SORL1: variants seen among roughly 807,000 people sequenced by gnomAD.
The protein encoded by SORL1 is sortilin-related receptor.
SORL1 carries 127 observed loss-of-function variants against 273.7 expected under a neutral mutation model. The observed-to-expected ratio is 0.46, with a 90% CI of 0.40 to 0.54. The LOEUF is 0.54. Ranked by LOEUF, SORL1 falls within the 20% of genes least tolerant of loss-of-function variation. The pLI, the probability that SORL1 is intolerant of heterozygous loss-of-function variation, is 0.00. For synonymous variants in SORL1, 1,031 were observed against 1,067.4 expected, an observed-to-expected ratio of 0.97 and a Z score of 0.66; for missense variants, 2,494 against 2,846.1, an observed-to-expected ratio of 0.88 and a Z score of 2.81.
chr11:121,494,549 G>A (rs2134819962), intron 5 of SORL1, among the ~76,000 whole-genome samples: 1 of 152,342 alleles, frequency 6.6e-6, no homozygotes, highest in East Asian at 1.9e-4. Context: ...ACTGCTCAGA[G>A]ATAGAGCAAG....
chr11:121,553,698 A>G (rs2134901674), intron 16 of SORL1, among the ~76,000 whole-genome samples: 1 of 152,332 alleles, frequency 6.6e-6, no homozygotes, highest in East Asian at 1.9e-4. Context: ...GAAAAACATA[A>G]CAAGTAAAAC....
rs1269687295 is a variant in SORL1, at chr11:121,514,329, G to C, written c.1211+8G>C. ...CAGTGACACCTTGGTGAGGTAAGGAGACTGTGAGTCCTTCTCCTGCCTTCT... is the reference window on the plus strand; with the variant it reads ...CAGTGACACCTTGGTGAGGTAAGGACACTGTGAGTCCTTCTCCTGCCTTCT... On this transcript the variant is annotated splice_region_variant and intron_variant, in intron 8 of 47. Transcript: ENST00000260197. 1 of 1,609,810 alleles carries C rather than the reference G, an allele frequency of 6.2e-7. No homozygotes were observed. The highest frequency in any genetic ancestry group is 1.3e-5 in the African/African-American group (1 of 74,784).
chr11:121,520,886 A>G (rs747589388), intron 9 of SORL1, 37 bp downstream of exon 9: 53 of 1,463,902 alleles, frequency 3.6e-5, no homozygotes, highest in Non-Finnish European at 4.8e-5. Flanking sequence ...TTTTTAATAT[A>G]AAGGAAAGAG....
chr11:121,525,951 C>G (rs1483411110), intron 11 of SORL1, among the ~76,000 whole-genome samples: 1 of 152,104 alleles, frequency 6.6e-6, no homozygotes, highest in Non-Finnish European at 1.5e-5. Context: ...TCACATGAGC[C>G]CTGGTGGTTG....
Position 121,570,269 on chromosome 11 carries a change from C to T in SORL1, c.3336C>T (p.Cys1112=). 5 of 1,606,486 alleles carry T rather than the reference C, an allele frequency of 3.1e-6. No individual in the cohort carries two copies. Among genetic ancestry groups the T allele is most frequent in the East Asian group, 2.2e-5 (1 of 44,842 alleles). Residue 1112 remains cysteine, a splice_region_variant and synonymous_variant, in exon 23 of 48, where the codon TGC becomes TGT. Coordinates refer to ENST00000260197, the MANE Select transcript of SORL1 (RefSeq NM_003105.6). ...DCGDMSDERN[C]PTTICDLDTQ... is the part of the protein sequence containing the mutation. ...GAGACATGAGCGATGAGAGAAACTGCCGTGAGTCTTCTGGATTGGACGTTA... is the reference window on the plus strand; with the variant it reads ...GAGACATGAGCGATGAGAGAAACTGTCGTGAGTCTTCTGGATTGGACGTTA...
chr11:121,561,750 A>G (rs1189408430), intron 21 of SORL1, among the ~76,000 whole-genome samples: 1 of 149,296 alleles, frequency 6.7e-6, no homozygotes, highest in Non-Finnish European at 1.5e-5. Flanking sequence ...ACAGACCTGG[A>G]CCTGTGCATG....
chr11:121,601,451 A>G (rs1433151298), intron 32 of SORL1, among the ~76,000 whole-genome samples: 3 of 151,358 alleles, frequency 2.0e-5, no homozygotes, highest in Admixed American at 2.0e-4. Flanking sequence ...TTCCAGTTCC[A>G]GATCCCTGAG....
chr11:121,470,196 A>G (rs1258678451), intron 2 of SORL1, 73 bp downstream of exon 2: 4 of 950,074 alleles, frequency 4.2e-6, no homozygotes, highest in Admixed American at 3.4e-5. Context: ...TGGGATTATC[A>G]TACTGGAAAA....
At position 121,512,804 on chromosome 11, in the gene SORL1, C is replaced by T. The variant is rs11218315; in HGVS notation, c.940-199C>T. Among the ~76,000 whole-genome samples, 789 of 152,262 alleles carry T rather than the reference C, an allele frequency of 5.2e-3. 11 individuals carry two copies. The highest frequency in any genetic ancestry group is 0.017 in the African/African-American group (700 of 41,530). ...GGAGTGTCTAGTGTCTGTTGCAAACCGGGTATCTAAGATGAAGCAGTACAA... is the reference window on the plus strand; with the variant it reads ...GGAGTGTCTAGTGTCTGTTGCAAACTGGGTATCTAAGATGAAGCAGTACAA... On this transcript the variant is annotated intron_variant, in intron 6 of 47. Coordinates refer to ENST00000260197, the MANE Select transcript of SORL1 (RefSeq NM_003105.6).
chr11:121,557,876 G>A (rs1353121040), intron 19 of SORL1, among the ~76,000 whole-genome samples: 1 of 152,122 alleles, frequency 6.6e-6, no homozygotes, highest in East Asian at 1.9e-4. Context: ...TAATTAAGAG[G>A]GAAATTCTGG....
chr11:121,617,244 TAG>T (rs1437346774), intron 41 of SORL1, among the ~76,000 whole-genome samples: 1 of 152,214 alleles, frequency 6.6e-6, no homozygotes, highest in African/African-American at 2.4e-5. Flanking sequence ...GCTATGTTAA[TAG>T]AGATTCTTTA....
intron 26 of SORL1, among the ~76,000 whole-genome samples, chr11:121,585,100 T>G (rs1352761453): frequency 6.6e-6 from 1 of 152,166 alleles, no homozygotes; most frequent in African/African-American, 2.4e-5. Context: ...AGGTGGTGAG[T>G]GATTTAAATA....
chr11:121,467,114 C>A (rs562304668), intron 1 of SORL1, among the ~76,000 whole-genome samples: 155 of 148,912 alleles, frequency 1.0e-3, no homozygotes, highest in Non-Finnish European at 2.1e-3. Context: ...ACTGCAAGCT[C>A]CGCCTCCCGG....
intron 45 of SORL1, among the ~76,000 whole-genome samples, chr11:121,623,458 G>T (rs1413648108): frequency 6.6e-6 from 1 of 152,236 alleles, no homozygotes; most frequent in East Asian, 1.9e-4. Flanking sequence ...AAGAATTTGT[G>T]TGTAGTATTT....
At chr11:121,457,534 T>C (rs2134764391) in intron 1 of SORL1, among the ~76,000 whole-genome samples, 1 of 152,340 alleles carries the variant, frequency 6.6e-6, no homozygotes, top group Non-Finnish European at 1.5e-5. Flanking sequence ...ATAATGAGAT[T>C]AACTTTAGCT....
intron 19 of SORL1, 85 bp from the exon 20 acceptor site, chr11:121,558,506 A>C (rs947911018): frequency 7.1e-7 from 1 of 1,415,530 alleles, no homozygotes; most frequent in African/African-American, 1.4e-5. Context: ...ATTCGAAAGG[A>C]GTTTCTGACC....
intron 12 of SORL1, among the ~76,000 whole-genome samples, chr11:121,537,073 G>C (rs537232807): frequency 1.3e-5 from 2 of 152,290 alleles, no homozygotes; most frequent in African/African-American, 4.8e-5. Flanking sequence ...GGTCTAGAGA[G>C]ACCTTGAGCA....
At chr11:121,561,088 T>C (rs1465069584) in intron 21 of SORL1, among the ~76,000 whole-genome samples, 1 of 152,232 alleles carries the variant, frequency 6.6e-6, no homozygotes, top group African/African-American at 2.4e-5. Flanking sequence ...AGTGGATTTT[T>C]AGTATTTCTC....
chr11:121,612,817 A>G lies in SORL1; in HGVS notation c.5404A>G (p.Ile1802Val). Residue 1802 changes from isoleucine (I) to valine (V), a missense_variant, in exon 40 of 48, where the codon ATA becomes GTA. Around this residue, in one of 3 missense-constraint regions of SORL1, gnomAD observed 1,609 missense variants for 1,816.4 expected, o/e 0.89. Transcript: ENST00000260197. The stretch of plus-strand genomic sequence containing the variant: ...GAGAACTTTGAACTTCCGAGGAAGC[A>G]TATTGTCACACAAAGGTAACACTTT... ...ERRTLNFRGS[I>V]LSHKVGNLTA... The G allele has an allele frequency of 2.5e-6, 4 of 1,613,254 alleles. No individual in the cohort carries two copies. The South Asian group carries it at 3.3e-5, about 13-fold the overall frequency.
Sources: gnomAD v4.1 joint callset for allele counts (sites outside exome capture counted in the v4.1 genomes callset) on GRCh38, gnomAD v4.1.1 for gene constraint, gnomAD v4.1.1 regional missense constraint, MANE v1.5 for transcripts, NCBI Gene and HGNC (gene_info 2026-07-23, HGNC 2026-07-21) for gene names.